MYT1L: variants seen among roughly 807,000 people sequenced by gnomAD.
The protein encoded by MYT1L is myelin transcription factor 1-like protein.
MYT1L carries 12 observed loss-of-function variants against 126.7 expected under a neutral mutation model. The ratio of observed to expected loss-of-function variants is 0.09; its 90% CI spans 0.06 to 0.15. The LOEUF (loss-of-function observed/expected upper bound fraction) is 0.15, where lower values mean the gene tolerates loss of function less well. Ranked by LOEUF, MYT1L falls within the 10% of genes least tolerant of loss-of-function variation. The pLI is 1.00. For synonymous variants in MYT1L, 541 were observed against 604.2 expected (o/e 0.90, Z 1.53); for missense variants, 979 against 1,585.2 (o/e 0.62, Z 6.49).
intron 18 of MYT1L, among the ~76,000 whole-genome samples, chr2:1,855,585 C>T (rs895811506): frequency 1.3e-5 from 2 of 152,200 alleles, no homozygotes; most frequent in Non-Finnish European, 2.9e-5. Flanking sequence ...TGACAGTTAC[C>T]ACGAACAATA....
At chr2:1,944,162 T>C (rs892524281) in intron 8 of MYT1L, among the ~76,000 whole-genome samples, 2 of 152,148 alleles carry the variant, frequency 1.3e-5, no homozygotes, top group Admixed American at 6.5e-5. Flanking sequence ...TGCAGGTTTG[T>C]TACATATGTA....
intron 8 of MYT1L, among the ~76,000 whole-genome samples, chr2:1,970,229 G>T (rs1558581467): frequency 6.6e-6 from 1 of 152,180 alleles, no homozygotes; most frequent in Non-Finnish European, 1.5e-5. Flanking sequence ...AGTTGTGCCT[G>T]TGAGTGACAC....
At chr2:1,945,231 C>T (rs1474445178) in intron 8 of MYT1L, among the ~76,000 whole-genome samples, 2 of 152,056 alleles carry the variant, frequency 1.3e-5, no homozygotes, top group Admixed American at 6.6e-5. Context: ...GGGAGTGATA[C>T]GAGTTCTTTC....
Position 1,877,649 on chromosome 2 carries a change from C to T in MYT1L, c.2711+8890G>A, listed in dbSNP as rs145216297. 1.7e-3 allele frequency among the ~76,000 whole-genome samples: 256 copies of T among 152,214 alleles called. 1 individual carries two copies. Among genetic ancestry groups the T allele is most frequent in the African/African-American group, 5.6e-3 (232 of 41,520 alleles). On this transcript the variant is annotated intron_variant, in intron 18 of 24. Coordinates refer to ENST00000647738, the MANE Select transcript of MYT1L (RefSeq NM_001303052.2). ...GAACGGTGAGAGCTGAGGAATGGGA[C>T]CTGGCTGCTCGCACGCCTGTGCTGG...
chr2:2,242,394 A>T (rs1347357635), intron 2 of MYT1L, among the ~76,000 whole-genome samples: 1 of 152,190 alleles, frequency 6.6e-6, no homozygotes, highest in Non-Finnish European at 1.5e-5. Context: ...TAAACTATAA[A>T]TTTTCACCAC....
chr2:1,991,992 C>T (rs1339342960), intron 5 of MYT1L, among the ~76,000 whole-genome samples: 1 of 152,204 alleles, frequency 6.6e-6, no homozygotes, highest in African/African-American at 2.4e-5. Context: ...GTTTTCAGCC[C>T]TAACCTCTCC....
chr2:2,259,522 T>C (rs2094907442), intron 2 of MYT1L, among the ~76,000 whole-genome samples: 1 of 152,086 alleles, frequency 6.6e-6, no homozygotes, highest in Non-Finnish European at 1.5e-5. Flanking sequence ...CTTAAATACA[T>C]ATAGTTTTTA....
At chr2:2,119,334 T>A (rs1351105555) in intron 3 of MYT1L, among the ~76,000 whole-genome samples, 8 of 152,206 alleles carry the variant, frequency 5.3e-5, no homozygotes, top group African/African-American at 1.7e-4. Flanking sequence ...TTACAGTAAA[T>A]AAATAGTAAT....
At chr2:2,013,758 C>T (rs969715039) in intron 4 of MYT1L, among the ~76,000 whole-genome samples, 4 of 152,246 alleles carry the variant, frequency 2.6e-5, no homozygotes, top group Non-Finnish European at 5.9e-5. Context: ...CCTGCTGGCC[C>T]AGGTGGGCTC....
intron 18 of MYT1L, among the ~76,000 whole-genome samples, chr2:1,854,166 C>A (rs764699221): frequency 6.6e-6 from 1 of 151,938 alleles, no homozygotes; most frequent in Non-Finnish European, 1.5e-5. Flanking sequence ...CTGCATTTCT[C>A]GGGTGGGATG....
intron 3 of MYT1L, among the ~76,000 whole-genome samples, chr2:2,069,270 T>C (rs1210534145): frequency 6.6e-6 from 1 of 152,182 alleles, no homozygotes; most frequent in Non-Finnish European, 1.5e-5. Flanking sequence ...CCCCTCCCTG[T>C]GTCCATGTGT....
At chr2:2,291,073 T>C (rs72769257) in intron 1 of MYT1L, among the ~76,000 whole-genome samples, 1 of 148,422 alleles carries the variant, frequency 6.7e-6, no homozygotes. Context: ...AAAAAAAAAA[T>C]GAAAGTCAGT....
intron 1 of MYT1L, among the ~76,000 whole-genome samples, chr2:2,309,318 C>G (rs2095915279): frequency 6.6e-6 from 1 of 151,806 alleles, no homozygotes; most frequent in Admixed American, 6.6e-5. Context: ...CTTCAGTATA[C>G]TCTATCTATA....
chr2:2,028,749 AC>A (rs1387800063), intron 4 of MYT1L, among the ~76,000 whole-genome samples: 1 of 152,190 alleles, frequency 6.6e-6, no homozygotes. Context: ...TTTCCTGGGA[AC>A]CATCCTGTGT....
At chr2:1,856,205 C>G (rs755658767) in intron 18 of MYT1L, among the ~76,000 whole-genome samples, 7 of 152,176 alleles carry the variant, frequency 4.6e-5, no homozygotes, top group Non-Finnish European at 7.3e-5. Context: ...AACATCTGTT[C>G]CTGTTGCTTT....
intron 3 of MYT1L, among the ~76,000 whole-genome samples, chr2:2,101,705 A>C (rs978990851): frequency 3.3e-5 from 5 of 151,304 alleles, no homozygotes; most frequent in African/African-American, 9.7e-5. Context: ...TCCATCCATT[A>C]ATCCATCCAG....
intron 3 of MYT1L, among the ~76,000 whole-genome samples, chr2:2,123,245 G>C (rs1438511956): frequency 6.6e-6 from 1 of 152,182 alleles, no homozygotes; most frequent in Non-Finnish European, 1.5e-5. Context: ...CTTAGAGCCT[G>C]TGGGAGGCGG....
At chr2:2,148,488 C>A (rs753139592) in intron 3 of MYT1L, among the ~76,000 whole-genome samples, 1 of 152,080 alleles carries the variant, frequency 6.6e-6, no homozygotes, top group African/African-American at 2.4e-5. Flanking sequence ...TAACAGGCCA[C>A]GGATAGGTAG....
chr2:2,179,242 A>T (rs1157483363), intron 2 of MYT1L, among the ~76,000 whole-genome samples: 1 of 152,152 alleles, frequency 6.6e-6, no homozygotes, highest in Non-Finnish European at 1.5e-5. Flanking sequence ...TCTGCATCTC[A>T]TTGAATCCAA....
Sources: gnomAD v4.1 joint callset for allele counts (sites outside exome capture counted in the v4.1 genomes callset) on GRCh38, gnomAD v4.1.1 for gene constraint, MANE v1.5 for transcripts, NCBI Gene and HGNC (gene_info 2026-07-23, HGNC 2026-07-21) for gene names.